PIWIL1: variants seen among roughly 807,000 people sequenced by gnomAD.
PIWIL1 encodes piwi-like protein 1.
A neutral mutation model predicts 114.4 loss-of-function variants in PIWIL1; 73 were observed. That is an observed-to-expected ratio of 0.64 (90% CI 0.53 to 0.78). The LOEUF is 0.78. Among genes scored for constraint, PIWIL1 ranks in the 30% least tolerant of loss-of-function variants. The probability of loss-of-function intolerance (pLI) is 0.00; values close to 1 mark genes in which losing one functional copy is unlikely to be tolerated. For missense variants in PIWIL1, 723 were observed against 1,063.1 expected (o/e 0.68, Z 4.45); for synonymous variants, 375 against 369.0 (o/e 1.02, Z -0.19).
At chr12:130,420,138 G>T in the PIWIL1 span, among the ~76,000 whole-genome samples, 1 of 152,288 alleles carries the variant, frequency 6.6e-6, no homozygotes, top group East Asian at 1.9e-4. This position sits in a 1 kb window ranked among gnomAD's most constrained non-coding sequence, Gnocchi z 4.3. Context: ...TGTCTGTTCA[G>T]CTGTCACTGA....
intron 3 of PIWIL1, among the ~76,000 whole-genome samples, chr12:130,344,415 C>T (rs1249952922): frequency 3.5e-5 from 5 of 141,312 alleles, no homozygotes; most frequent in Admixed American, 6.9e-5. Flanking sequence ...GGTACAGAAA[C>T]AAACATGGAA....
In PIWIL1 at chr12:130,342,945, G is replaced by T; in HGVS notation, c.79-45G>T. ...AGACTAGAAATTTTCTCTGGTGTCT[G>T]ACCGCTTGACGAAAAGAATGTTCTT... On this transcript the variant is annotated intron_variant, in intron 2 of 20. Coordinates refer to ENST00000245255, the MANE Select transcript of PIWIL1 (RefSeq NM_004764.5). The T allele has an allele frequency of 2.1e-6, 3 of 1,428,698 alleles. No homozygotes were observed. In the South Asian group the frequency reaches 3.4e-5, roughly 16 times the overall value. 88.5% of individuals were successfully genotyped at this position (1,428,698 alleles called of 1,614,324 possible).
At chr12:130,424,302 TG>T in the PIWIL1 span, 1 of 1,231,640 alleles carries the variant, frequency 8.1e-7, no homozygotes. This position sits in a 1 kb window ranked among gnomAD's most constrained non-coding sequence, Gnocchi z 9.8. Flanking sequence ...CGGGCCGGGC[TG>T]GGGGTCGTCG....
chr12:130,370,557 CAGG>C (rs2073791198), intron 19 of PIWIL1, among the ~76,000 whole-genome samples: 1 of 152,158 alleles, frequency 6.6e-6, no homozygotes, highest in Non-Finnish European at 1.5e-5. Context: ...TTGGTATCCT[CAGG>C]AGGTCCTGGA....
At chr12:130,417,866 G>T in the PIWIL1 span, among the ~76,000 whole-genome samples, 3 of 151,692 alleles carry the variant, frequency 2.0e-5, no homozygotes, top group African/African-American at 7.3e-5. Flanking sequence ...AGAGAGAATG[G>T]GAGGGGAGAG....
At chr12:130,414,007 C>A in the PIWIL1 span, 101 of 1,114,606 alleles carry the variant, frequency 9.1e-5, no homozygotes, top group Non-Finnish European at 1.3e-4. Flanking sequence ...CCGTGCCTCG[C>A]CCATGGCCTG....
At chr12:130,348,404 C>G (rs2073127569) in intron 7 of PIWIL1, among the ~76,000 whole-genome samples, 1 of 152,120 alleles carries the variant, frequency 6.6e-6, no homozygotes. Context: ...CATAGTTGTC[C>G]AGTGCTGTTT....
At chr12:130,353,934 A>G (rs1420445005) in intron 9 of PIWIL1, among the ~76,000 whole-genome samples, 1 of 152,156 alleles carries the variant, frequency 6.6e-6, no homozygotes, top group Non-Finnish European at 1.5e-5. Context: ...TTCAAAAAAA[A>G]AAAAAAAGAA....
At position 130,371,462 on chromosome 12, in the gene PIWIL1, T is replaced by G. The variant is rs1407375147; in HGVS notation, c.2470-20T>G. On this transcript the variant is annotated intron_variant, in intron 20 of 20. Transcript: ENST00000245255. ...AGGCTAAGTCTAGAGTAATAGAACC[T>G]TTTTTTCCTTCCACTAAAGGGTGTC... 1 of 1,605,006 alleles carries G rather than the reference T, an allele frequency of 6.2e-7. No individual in the cohort carries two copies. The highest frequency in any genetic ancestry group is 1.7e-5 in the Admixed American group (1 of 59,840).
chr12:130,393,217 C>G, the PIWIL1 span, among the ~76,000 whole-genome samples: 2 of 145,018 alleles, frequency 1.4e-5, no homozygotes, highest in East Asian at 4.0e-4. Context: ...TCACCGTCAT[C>G]ATGTGTGTCT....
At chr12:130,367,391 A>G (rs372044721) in intron 19 of PIWIL1, 133 bp downstream of exon 19, 9 of 880,092 alleles carry the variant, frequency 1.0e-5, no homozygotes, top group Non-Finnish European at 1.5e-5. Flanking sequence ...AATTTTTTCA[A>G]CTAATTTGGT....
intron 16 of PIWIL1, 35 bp from the exon 17 acceptor site, chr12:130,362,731 G>A: frequency 6.4e-7 from 1 of 1,568,360 alleles, no homozygotes; most frequent in Non-Finnish European, 8.8e-7. Flanking sequence ...ATAGACAATT[G>A]CATTCTTATT....
the PIWIL1 span, among the ~76,000 whole-genome samples, chr12:130,394,883 A>T: frequency 6.8e-6 from 1 of 147,854 alleles, no homozygotes; most frequent in Admixed American, 6.9e-5. Flanking sequence ...TACATAGGAA[A>T]GTCATAACAG....
At chr12:130,410,181 C>T in the PIWIL1 span, among the ~76,000 whole-genome samples, 1 of 152,188 alleles carries the variant, frequency 6.6e-6, no homozygotes, top group African/African-American at 2.4e-5. Context: ...ACCCACATAT[C>T]GTCTTTGGCG....
chr12:130,417,864 T>TGG, the PIWIL1 span, among the ~76,000 whole-genome samples: 59 of 151,416 alleles, frequency 3.9e-4, no homozygotes, highest in African/African-American at 1.3e-3. Flanking sequence ...GGAGAGAGAA[T>TGG]GGGAGGGGAG....
the PIWIL1 span, among the ~76,000 whole-genome samples, chr12:130,418,362 G>A: frequency 2.0e-5 from 3 of 152,322 alleles, no homozygotes; most frequent in South Asian, 6.2e-4. Flanking sequence ...TGGTATCTGA[G>A]TTCAATAGAA....
chr12:130,419,868 A>T, the PIWIL1 span: 1 of 152,222 alleles, frequency 6.6e-6, no homozygotes, highest in Admixed American at 6.5e-5. The surrounding 1 kb of genome is among the most constrained non-coding windows in gnomAD (Gnocchi z 4.3). Flanking sequence ...AAACCTAATT[A>T]AGTATATATT....
At position 130,346,451 on chromosome 12, in the gene PIWIL1, A is replaced by C; in HGVS notation, c.398A>C (p.His133Pro). 1.2e-6 allele frequency: 2 copies of C among 1,613,940 alleles called. No individual in the cohort carries two copies. Among genetic ancestry groups the C allele is most frequent in the Non-Finnish European group, 1.7e-6 (2 of 1,179,796 alleles). ...CCCCAGTGGGCCTTATATCAGTATC[A>C]CATTGACTATAACCCACTGATGGAA... Reference protein sequence around the residue: ...SRPQWALYQYHIDYNPLMEAR... With the variant: ...SRPQWALYQYPIDYNPLMEAR... Residue 133 changes from histidine (H) to proline (P), a missense_variant, in exon 5 of 21, where the codon CAC becomes CCC. His to Pro is a moderately conservative substitution (Grantham distance 77, BLOSUM62 -2). This residue lies in a region of PIWIL1 where 190 missense variants were observed against 294.4 expected (regional missense o/e 0.65). Coordinates refer to ENST00000245255, the MANE Select transcript of PIWIL1 (RefSeq NM_004764.5).
downstream of PIWIL1, among the ~76,000 whole-genome samples, chr12:130,377,239 C>T (rs1213972153): frequency 6.6e-6 from 1 of 152,194 alleles, no homozygotes; most frequent in Non-Finnish European, 1.5e-5. Context: ...ATAGCAGGTT[C>T]TCAGATATTT....
Sources: allele counts gnomAD v4.1 joint callset (sites outside exome capture counted in the v4.1 genomes callset), GRCh38; gene constraint gnomAD v4.1.1; regional missense constraint gnomAD v4.1.1; non-coding constraint Gnocchi (gnomAD v3.1); transcripts MANE v1.5; gene names NCBI Gene and HGNC (gene_info 2026-07-23, HGNC 2026-07-21).